Variants in GTF2E2 observed in about 807,000 individuals in gnomAD.
GTF2E2 encodes transcription initiation factor IIE subunit beta.
Under a neutral mutation model 40.5 loss-of-function variants are expected in GTF2E2, and 21 were observed. The observed-to-expected ratio is 0.52, with a 90% confidence interval of 0.37 to 0.75. The LOEUF is 0.75. Among genes scored for constraint, GTF2E2 ranks in the 30% least tolerant of loss-of-function variants. GTF2E2 has a pLI of 0.00. For missense variants in GTF2E2, 298 were observed against 338.4 expected, an observed-to-expected ratio of 0.88 and a Z score of 0.94; for synonymous variants, 117 against 121.6, an observed-to-expected ratio of 0.96 and a Z score of 0.25.
At chr8:30,588,451 T>C (rs764251612) in intron 6 of GTF2E2, among the ~76,000 whole-genome samples, 1 of 152,208 alleles carries the variant, frequency 6.6e-6, no homozygotes, top group African/African-American at 2.4e-5. Flanking sequence ...CATTGTTAAA[T>C]GAAATAAGCC....
intron 3 of GTF2E2, among the ~76,000 whole-genome samples, chr8:30,618,674 AATATTCTATG>A (rs1312396562): frequency 7.9e-5 from 12 of 152,154 alleles, no homozygotes; most frequent in African/African-American, 2.9e-4. Flanking sequence ...AAATCTGCTC[AATATTCTATG>A]ATTATAGCAG....
chr8:30,589,837 C>A (rs1036729445), intron 6 of GTF2E2, among the ~76,000 whole-genome samples: 27 of 152,284 alleles, frequency 1.8e-4, no homozygotes, highest in Admixed American at 1.6e-3. Flanking sequence ...GGGATAAACA[C>A]CAGACACCAA....
At chr8:30,622,446 C>CA (rs1801135850) in intron 3 of GTF2E2, among the ~76,000 whole-genome samples, 1 of 151,742 alleles carries the variant, frequency 6.6e-6, no homozygotes, top group Admixed American at 6.6e-5. Context: ...AATAGAGTAT[C>CA]ACAAGGCAAA....
At position 30,626,115 on chromosome 8, in the gene GTF2E2, C is replaced by T. The variant is rs1187287944; in HGVS notation, c.258+8917G>A. 2.0e-5 allele frequency among the ~76,000 whole-genome samples: 3 copies of T among 152,294 alleles called. No individual in the cohort carries two copies. The East Asian group carries it at 5.8e-4, about 29-fold the overall frequency. ...ATCTAAGGAAAACATTCATTCTAAA[C>T]AAGTAATTTTTACACACCAAGAGTC... On this transcript the variant is annotated intron_variant, in intron 3 of 7. Transcript: ENST00000355904.
chr8:30,586,438 T>C (rs73574172), intron 6 of GTF2E2, among the ~76,000 whole-genome samples: 1,690 of 152,230 alleles, frequency 0.011, 33 homozygotes, highest in African/African-American at 0.038. Context: ...ATTGGAAGAA[T>C]TAATACTGTT....
chr8:30,584,796 T>A (rs953592786), intron 6 of GTF2E2: 10 of 152,328 alleles, frequency 6.6e-5, no homozygotes, highest in African/African-American at 2.2e-4. Context: ...CAGAGCCAGA[T>A]GGCCTGGCTG....
At chr8:30,637,560 G>C (rs1459458030) in intron 2 of GTF2E2, among the ~76,000 whole-genome samples, 2 of 151,940 alleles carry the variant, frequency 1.3e-5, no homozygotes, top group African/African-American at 4.8e-5. Flanking sequence ...GTCTCACTCT[G>C]TCGCCCAGGC....
chr8:30,630,070 ATT>A (rs1174765196), intron 3 of GTF2E2, among the ~76,000 whole-genome samples: 1 of 152,242 alleles, frequency 6.6e-6, no homozygotes, highest in Non-Finnish European at 1.5e-5. Context: ...AAGCAATAAA[ATT>A]TGTTTTACAT....
chr8:30,588,797 A>T (rs945501410), intron 6 of GTF2E2, among the ~76,000 whole-genome samples: 17 of 152,208 alleles, frequency 1.1e-4, no homozygotes, highest in Non-Finnish European at 1.5e-4. Flanking sequence ...AATTCTTCCC[A>T]TGAGTATCCA....
chr8:30,583,027 T>C (rs118005012), intron 6 of GTF2E2, among the ~76,000 whole-genome samples: 2,973 of 152,252 alleles, frequency 0.02, 49 homozygotes, highest in Non-Finnish European at 0.03. Flanking sequence ...CTTCCATATG[T>C]ACTAATTAGA....
chr8:30,630,623 CATGAAAAAGTAATCTCACCTCCATTCAGA>C (rs1801412622), intron 3 of GTF2E2, among the ~76,000 whole-genome samples: 1 of 152,046 alleles, frequency 6.6e-6, no homozygotes, highest in Non-Finnish European at 1.5e-5. Context: ...CTCCCCCCGC[CATGAAAAAGTAATCTCACCTCCATTCAGA>C]ATTTGTGATG....
intron 6 of GTF2E2, among the ~76,000 whole-genome samples, chr8:30,598,018 T>C (rs901996050): frequency 6.6e-6 from 1 of 152,250 alleles, no homozygotes; most frequent in Non-Finnish European, 1.5e-5. Flanking sequence ...AGAATAGTTC[T>C]GGTATTTTGA....
intron 6 of GTF2E2, among the ~76,000 whole-genome samples, chr8:30,604,335 T>C (rs900653600): frequency 6.6e-5 from 10 of 152,184 alleles, no homozygotes; most frequent in Non-Finnish European, 2.9e-5. Flanking sequence ...TTTCACCATA[T>C]ATTAAATAAG....
At chr8:30,620,327 T>A (rs1321062880) in intron 3 of GTF2E2, among the ~76,000 whole-genome samples, 1 of 151,956 alleles carries the variant, frequency 6.6e-6, no homozygotes, top group African/African-American at 2.4e-5. Context: ...GCTAAGGGTC[T>A]TTATTGCTAT....
intron 3 of GTF2E2, among the ~76,000 whole-genome samples, chr8:30,617,425 G>A (rs78015467): frequency 1.3e-5 from 2 of 152,108 alleles, no homozygotes; most frequent in African/African-American, 2.4e-5. Flanking sequence ...CAATAGAGGG[G>A]AGAAGCTAAA....
At chr8:30,604,963 A>G (rs1165051561) in intron 6 of GTF2E2, among the ~76,000 whole-genome samples, 2 of 152,230 alleles carry the variant, frequency 1.3e-5, no homozygotes, top group African/African-American at 4.8e-5. Context: ...AGAGCACACA[A>G]GGGCCAGAAA....
chr8:30,621,193 A>C (rs1801090627), intron 3 of GTF2E2, among the ~76,000 whole-genome samples: 1 of 152,128 alleles, frequency 6.6e-6, no homozygotes, highest in African/African-American at 2.4e-5. Flanking sequence ...CCAAAAGGCC[A>C]ACCTAACCTG....
intron 3 of GTF2E2, among the ~76,000 whole-genome samples, chr8:30,631,103 T>C (rs191477228): frequency 1.7e-3 from 262 of 152,148 alleles, no homozygotes; most frequent in African/African-American, 6.0e-3. Context: ...TCTTGGCTCA[T>C]TGCAACTTCC....
chr8:30,643,024 A>G (rs537798268), intron 2 of GTF2E2, among the ~76,000 whole-genome samples: 1 of 152,308 alleles, frequency 6.6e-6, no homozygotes, highest in Admixed American at 6.5e-5. Context: ...TTTCCTTCAA[A>G]ATGCAGGAAA....
Sources: allele counts gnomAD v4.1 joint callset (sites outside exome capture counted in the v4.1 genomes callset), GRCh38; gene constraint gnomAD v4.1.1; transcripts MANE v1.5; gene names NCBI Gene and HGNC (gene_info 2026-07-23, HGNC 2026-07-21).